OCA2: variants seen among roughly 807,000 people sequenced by gnomAD.
OCA2 encodes P protein.
A neutral mutation model predicts 100.2 loss-of-function variants in OCA2; 77 were observed. That is an observed-to-expected ratio of 0.77 (90% CI 0.64 to 0.93). The LOEUF is 0.93. OCA2 is among the 40% of genes least tolerant of loss of function. The pLI is 0.00. For synonymous variants in OCA2, 432 were observed against 439.2 expected (o/e 0.98, Z 0.21); for missense variants, 1,062 against 1,089.1 (o/e 0.98, Z 0.35).
At chr15:27,847,917 G>C (rs770837575) in intron 22 of OCA2, among the ~76,000 whole-genome samples, 5 of 152,330 alleles carry the variant, frequency 3.3e-5, no homozygotes, top group African/African-American at 1.2e-4. Flanking sequence ...GCTCTGTGGC[G>C]CCGTCAGGAC....
At chr15:27,798,070 G>A (rs1028020459) in intron 23 of OCA2, among the ~76,000 whole-genome samples, 32 of 152,256 alleles carry the variant, frequency 2.1e-4, no homozygotes, top group East Asian at 1.9e-4. Context: ...GTGACATGCC[G>A]TCGCTAGGCA....
intron 23 of OCA2, among the ~76,000 whole-genome samples, chr15:27,806,989 C>T (rs1303632533): frequency 6.6e-6 from 1 of 152,126 alleles, no homozygotes. Flanking sequence ...CCACCTCAGA[C>T]CCACATTAGC....
chr15:28,034,160 T>A (rs2042984773), intron 2 of OCA2, among the ~76,000 whole-genome samples: 1 of 151,932 alleles, frequency 6.6e-6, no homozygotes, highest in Non-Finnish European at 1.5e-5. Flanking sequence ...GGCATAGTGG[T>A]GCACACTTGT....
chr15:27,719,565 C>A, the OCA2 span, among the ~76,000 whole-genome samples: 1 of 152,122 alleles, frequency 6.6e-6, no homozygotes, highest in Non-Finnish European at 1.5e-5. Context: ...AGGGAATGTA[C>A]AATAATTTGA....
At chr15:27,862,533 G>C (rs966869633) in intron 21 of OCA2, among the ~76,000 whole-genome samples, 1 of 150,096 alleles carries the variant, frequency 6.7e-6, no homozygotes, top group African/African-American at 2.5e-5. Context: ...GGAGTGAAGT[G>C]GTGCGATCTC....
chr15:27,837,785 C>G (rs1392693590), intron 23 of OCA2, among the ~76,000 whole-genome samples: 1 of 150,876 alleles, frequency 6.6e-6, no homozygotes, highest in Non-Finnish European at 1.5e-5. Context: ...CCCATCAAAG[C>G]CTGGCAGGGG....
chr15:27,792,590 A>G lies in OCA2; in HGVS notation c.2433-37118T>C, dbSNP rs112006265. Among the ~76,000 whole-genome samples the G allele has an allele frequency of 6.1e-3, 933 of 152,252 alleles. 17 individuals are homozygous for G. Among genetic ancestry groups the G allele is most frequent in the African/African-American group, 0.021 (869 of 41,544 alleles). ...GCAGCTTCTTCCATCTATGGGGTCC[A>G]TAACTTTCCGAGACGTGCACCCTCC... On this transcript the variant is annotated intron_variant, in intron 23 of 23. Transcript: ENST00000354638.
intron 22 of OCA2, among the ~76,000 whole-genome samples, chr15:27,847,827 C>T (rs964208577): frequency 4.6e-5 from 7 of 152,086 alleles, no homozygotes; most frequent in South Asian, 2.1e-4. Flanking sequence ...CAAAACCAGC[C>T]GGTGTTAGCC....
At chr15:28,071,273 G>A (rs191320355) in intron 2 of OCA2, among the ~76,000 whole-genome samples, 158 of 151,966 alleles carry the variant, frequency 1.0e-3, no homozygotes, top group African/African-American at 3.6e-3. Context: ...CAGAGGTGAC[G>A]CAAATAAATA....
intron 23 of OCA2, among the ~76,000 whole-genome samples, chr15:27,815,154 A>T (rs1028945803): frequency 1.3e-5 from 2 of 152,164 alleles, no homozygotes; most frequent in Admixed American, 6.5e-5. Context: ...ATTGGAGGAC[A>T]TGATTTTAAC....
At chr15:27,743,517 G>C in the OCA2 span, among the ~76,000 whole-genome samples, 1 of 152,238 alleles carries the variant, frequency 6.6e-6, no homozygotes, top group Admixed American at 6.5e-5. Flanking sequence ...TCCTCCGTCT[G>C]CCCAGGAAGC....
intron 2 of OCA2, among the ~76,000 whole-genome samples, chr15:28,035,699 A>G (rs1048405931): frequency 1.3e-5 from 2 of 152,076 alleles, no homozygotes; most frequent in Admixed American, 1.3e-4. Context: ...AGCACTGTCT[A>G]GTTTTACTAA....
At chr15:27,850,575 A>G (rs2035711450) in intron 22 of OCA2, among the ~76,000 whole-genome samples, 1 of 152,142 alleles carries the variant, frequency 6.6e-6, no homozygotes, top group Non-Finnish European at 1.5e-5. Context: ...ACTTACATGA[A>G]TTAGCTGGCT....
At chr15:28,040,800 T>C (rs568865188) in intron 2 of OCA2, among the ~76,000 whole-genome samples, 1 of 152,202 alleles carries the variant, frequency 6.6e-6, no homozygotes, top group African/African-American at 2.4e-5. Flanking sequence ...AATAAAAAAA[T>C]CTGAATAGAC....
chr15:28,062,197 A>C (rs1430325210), intron 2 of OCA2, among the ~76,000 whole-genome samples: 1 of 152,242 alleles, frequency 6.6e-6, no homozygotes, highest in East Asian at 1.9e-4. Context: ...AATGCATGAG[A>C]GTTCCAATTT....
the OCA2 span, among the ~76,000 whole-genome samples, chr15:27,722,616 C>A: frequency 8.1e-6 from 1 of 123,504 alleles, no homozygotes; most frequent in Non-Finnish European, 1.8e-5. Flanking sequence ...TCTTTCCCTT[C>A]CTTCCTCCCT....
chr15:27,832,867 C>T (rs75615668), intron 23 of OCA2, among the ~76,000 whole-genome samples: 3,446 of 137,826 alleles, frequency 0.025, 44 homozygotes, highest in Non-Finnish European at 0.03. Context: ...GGCTGGAGTG[C>T]AGCAGCACGA....
chr15:27,793,830 G>A lies in OCA2; in HGVS notation c.2433-38358C>T, dbSNP rs145249202. ...AGCCTTTTCCTTATTCACAATGCTG[G>A]CTTGTGTTGCCAGGGGGCTGGGAGA... On this transcript the variant is annotated intron_variant, in intron 23 of 23. Transcript: ENST00000354638. 4.1e-3 allele frequency among the ~76,000 whole-genome samples: 631 copies of A among 152,298 alleles called. 6 individuals carry two copies. The highest frequency in any genetic ancestry group is 0.015 in the African/African-American group (610 of 41,554).
At chr15:27,853,756 C>G (rs79679247) in intron 21 of OCA2, among the ~76,000 whole-genome samples, 1 of 151,986 alleles carries the variant, frequency 6.6e-6, no homozygotes, top group Non-Finnish European at 1.5e-5. Context: ...GAAGGAGAGA[C>G]CCCTGGGCCC....
Sources: gnomAD v4.1 joint callset for allele counts (sites outside exome capture counted in the v4.1 genomes callset) on GRCh38, gnomAD v4.1.1 for gene constraint, MANE v1.5 for transcripts, NCBI Gene and HGNC (gene_info 2026-07-23, HGNC 2026-07-21) for gene names.